PLCE1: variants seen among roughly 807,000 people sequenced by gnomAD.
PLCE1 encodes the protein 1-phosphatidylinositol 4,5-bisphosphate phosphodiesterase epsilon-1.
A neutral mutation model predicts 242.8 loss-of-function variants in PLCE1; 119 were observed. That is an observed-to-expected ratio of 0.49 (90% CI 0.42 to 0.57). PLCE1 has a LOEUF of 0.57. Among genes scored for constraint, PLCE1 ranks in the 20% least tolerant of loss-of-function variants. The pLI, the probability that PLCE1 is intolerant of heterozygous loss-of-function variation, is 0.00. For synonymous variants in PLCE1, 945 were observed against 1,017.4 expected (o/e 0.93, Z 1.35); for missense variants, 2,441 against 2,788.8 (o/e 0.88, Z 2.81).
intron 5 of PLCE1, among the ~76,000 whole-genome samples, chr10:94,233,061 A>G (rs1340984696): frequency 1.3e-5 from 2 of 152,170 alleles, no homozygotes; most frequent in South Asian, 2.1e-4. Context: ...GCTCAGATCC[A>G]CTTTCTCTGC....
At chr10:94,192,529 T>A (rs1040771558) in intron 4 of PLCE1, among the ~76,000 whole-genome samples, 1 of 152,234 alleles carries the variant, frequency 6.6e-6, no homozygotes, top group African/African-American at 2.4e-5. Context: ...GATTTCATTC[T>A]TTTTTATGGC....
In PLCE1 at chr10:94,288,142, A is replaced by G. The variant is rs190393007; in HGVS notation, c.5035+3177A>G. On this transcript the variant is annotated intron_variant, in intron 22 of 32. Transcript: ENST00000371380. ...GTTTTTGGTTACATGGATGAATTGT[A>G]TAGTGATGAAGTCTGGGATTTTAGC... 1.5e-3 allele frequency among the ~76,000 whole-genome samples: 227 copies of G among 152,264 alleles called. 1 individual carries two copies. The highest frequency in any genetic ancestry group is 5.2e-3 in the African/African-American group (218 of 41,544).
chr10:94,266,823 C>G (rs895593986), intron 16 of PLCE1, among the ~76,000 whole-genome samples: 2 of 152,080 alleles, frequency 1.3e-5, no homozygotes, highest in Non-Finnish European at 2.9e-5. Flanking sequence ...ATTTTTTGTC[C>G]CAAAGCTTGC....
At chr10:94,282,946 G>T (rs556883269) in intron 20 of PLCE1, among the ~76,000 whole-genome samples, 3 of 152,220 alleles carry the variant, frequency 2.0e-5, no homozygotes, top group Admixed American at 6.6e-5. Flanking sequence ...CAAATGTAAT[G>T]AAATGATTTA....
At chr10:94,267,227 T>C (rs1284840281) in intron 16 of PLCE1, among the ~76,000 whole-genome samples, 1 of 152,242 alleles carries the variant, frequency 6.6e-6, no homozygotes, top group African/African-American at 2.4e-5. Context: ...TCTATGTATA[T>C]TTATGTACTT....
At chr10:94,251,952 C>G (rs1192607257) in intron 8 of PLCE1, among the ~76,000 whole-genome samples, 1 of 152,126 alleles carries the variant, frequency 6.6e-6, no homozygotes, top group African/African-American at 2.4e-5. Context: ...GATACCCTGC[C>G]CCTCTCCCTT....
intron 29 of PLCE1, among the ~76,000 whole-genome samples, chr10:94,320,389 C>G (rs2053754904): frequency 6.6e-6 from 1 of 151,986 alleles, no homozygotes; most frequent in African/African-American, 2.4e-5. Flanking sequence ...ATTATAAGGC[C>G]ATGATTGCAA....
intron 2 of PLCE1, chr10:94,089,382 G>C: frequency 6.4e-7 from 1 of 1,568,180 alleles, no homozygotes; most frequent in South Asian, 1.2e-5. Context: ...ACCAGGTAAG[G>C]GTTCTTGTTG....
rs577813714 is a variant in PLCE1, at chr10:94,183,967, T to C, written c.1809+12471T>C. Among the ~76,000 whole-genome samples, 5 of 152,244 alleles carry C rather than the reference T, an allele frequency of 3.3e-5. No individual in the cohort carries two copies. In the South Asian group the frequency reaches 8.3e-4, roughly 25 times the overall value. The stretch of plus-strand genomic sequence containing the variant: ...CAGCACCTCCCACGAGGCCCCAACA[T>C]TGGGGATCACATTTCAACATGAGAT... On this transcript the variant is annotated intron_variant, in intron 4 of 32. Transcript: ENST00000371380.
At chr10:94,297,590 TAAAAAAAAAAAAAAA>T (rs71031568) in intron 23 of PLCE1, among the ~76,000 whole-genome samples, 1,988 of 56,574 alleles carry the variant, frequency 0.035, 47 homozygotes, top group South Asian at 0.098. Flanking sequence ...TTTAAATTTG[TAAAAAAAAAAAAAAA>T]AAAAAAAAAA....
chr10:94,082,230 A>G (rs1183219562), intron 2 of PLCE1: 2 of 152,214 alleles, frequency 1.3e-5, no homozygotes, highest in Non-Finnish European at 2.9e-5. Context: ...AAATAAGAAG[A>G]TGAGAAAATT....
chr10:94,030,561 CA>C (rs1184508207), intron 1 of PLCE1, among the ~76,000 whole-genome samples, 121 bp from the exon 2 acceptor site: 1 of 151,608 alleles, frequency 6.6e-6, no homozygotes, highest in Non-Finnish European at 1.5e-5. Flanking sequence ...ACATAAAAAC[CA>C]ACTTCTGATT....
At chr10:94,119,332 T>C (rs2046234231) in intron 2 of PLCE1, among the ~76,000 whole-genome samples, 1 of 152,164 alleles carries the variant, frequency 6.6e-6, no homozygotes, top group Non-Finnish European at 1.5e-5. Flanking sequence ...ATGGATGTCC[T>C]CAGGCATATG....
At chr10:94,043,006 A>G (rs568521608) in intron 2 of PLCE1, among the ~76,000 whole-genome samples, 50 of 152,334 alleles carry the variant, frequency 3.3e-4, no homozygotes, top group Non-Finnish European at 4.7e-4. Flanking sequence ...ATGACTCAGT[A>G]GCATTTCTTT....
intron 3 of PLCE1, among the ~76,000 whole-genome samples, chr10:94,165,966 A>G (rs1249360716): frequency 6.6e-6 from 1 of 152,088 alleles, no homozygotes; most frequent in African/African-American, 2.4e-5. Flanking sequence ...CTCGCCTCCC[A>G]AAGTGCTGGG....
chr10:94,276,530 A>G (rs1006380535), intron 19 of PLCE1, among the ~76,000 whole-genome samples: 1 of 152,174 alleles, frequency 6.6e-6, no homozygotes, highest in African/African-American at 2.4e-5. Context: ...ATAATTCCTT[A>G]AGTCACCATG....
At chr10:94,256,341 A>AT (rs2051099019) in intron 11 of PLCE1, among the ~76,000 whole-genome samples, 1 of 135,084 alleles carries the variant, frequency 7.4e-6, no homozygotes, top group Non-Finnish European at 1.5e-5. Context: ...AAAAAAAAAA[A>AT]GAAAGAAAGA....
At chr10:94,230,955 G>A (rs1466914788) in intron 5 of PLCE1, among the ~76,000 whole-genome samples, 9 of 152,076 alleles carry the variant, frequency 5.9e-5, no homozygotes, top group Non-Finnish European at 1.2e-4. Context: ...CATAATACAT[G>A]AATCTATCTG....
chr10:94,299,715 G>T (rs1344784199), intron 24 of PLCE1, among the ~76,000 whole-genome samples: 1 of 152,240 alleles, frequency 6.6e-6, no homozygotes, highest in Non-Finnish European at 1.5e-5. Context: ...TCTGGGACCA[G>T]CTAGCTACCT....
Sources: gnomAD v4.1 joint callset for allele counts (sites outside exome capture counted in the v4.1 genomes callset) on GRCh38, gnomAD v4.1.1 for gene constraint, MANE v1.5 for transcripts, NCBI Gene and HGNC (gene_info 2026-07-23, HGNC 2026-07-21) for gene names.